DAB1: variants seen among roughly 807,000 people sequenced by gnomAD.
DAB1 encodes the protein DAB adaptor protein 1.
In DAB1, 15 loss-of-function variants were observed where a neutral mutation model predicts 64.6. The ratio of observed to expected loss-of-function variants is 0.23; its 90% CI spans 0.16 to 0.36. The LOEUF (loss-of-function observed/expected upper bound fraction) is 0.36, where lower values mean the gene tolerates loss of function less well. Among genes scored for constraint, DAB1 ranks in the 10% least tolerant of loss-of-function variants. The pLI is 1.00. For synonymous variants in DAB1, 235 were observed against 251.9 expected, an observed-to-expected ratio of 0.93 and a Z score of 0.64; for missense variants, 596 against 706.7, an observed-to-expected ratio of 0.84 and a Z score of 1.78.
chr1:58,288,340 T>C (rs1661739810), intron 4 of DAB1, among the ~76,000 whole-genome samples: 1 of 152,182 alleles, frequency 6.6e-6, no homozygotes, highest in African/African-American at 2.4e-5. Context: ...TGGATCTCTT[T>C]ATAAATCAGG....
intron 2 of DAB1, among the ~76,000 whole-genome samples, chr1:57,153,861 G>A (rs901161921): frequency 1.3e-5 from 2 of 151,810 alleles, no homozygotes; most frequent in Non-Finnish European, 2.9e-5. Flanking sequence ...GGATGGTCTC[G>A]ATCTCCTGAC....
intron 1 of DAB1, among the ~76,000 whole-genome samples, chr1:57,313,123 G>C (rs940793952): frequency 6.6e-6 from 1 of 152,340 alleles, no homozygotes; most frequent in Non-Finnish European, 1.5e-5. Flanking sequence ...GGCACTCACT[G>C]TTTCTGTGGA....
chr1:57,695,377 A>AAAGAAAGAAAGAAAGAAAAGAAAG (rs1646824709), intron 6 of DAB1, among the ~76,000 whole-genome samples: 1 of 67,006 alleles, frequency 1.5e-5, no homozygotes, highest in African/African-American at 6.5e-5. Flanking sequence ...AGAAAGAAAG[A>AAAGAAAGAAAGAAAGAAAAGAAAG]AAGAAAGAAA....
intron 7 of DAB1, among the ~76,000 whole-genome samples, chr1:57,612,686 T>G (rs1471533659): frequency 6.6e-6 from 1 of 152,194 alleles, no homozygotes; most frequent in Non-Finnish European, 1.5e-5. Flanking sequence ...AATGGATTTC[T>G]GACTTCTGAT....
At chr1:57,235,077 T>G (rs549733147) in intron 2 of DAB1, among the ~76,000 whole-genome samples, 32 of 152,312 alleles carry the variant, frequency 2.1e-4, no homozygotes, top group Non-Finnish European at 3.7e-4. Context: ...ACTCATCATA[T>G]TCACAGATTT....
At chr1:58,323,537 T>C (rs1662743684) in intron 4 of DAB1, among the ~76,000 whole-genome samples, 2 of 152,288 alleles carry the variant, frequency 1.3e-5, no homozygotes, top group African/African-American at 2.4e-5. Flanking sequence ...CTATTTTGAA[T>C]AGCCTTTCTC....
intron 4 of DAB1, among the ~76,000 whole-genome samples, chr1:58,153,426 A>G (rs1232432635): frequency 6.6e-6 from 1 of 152,228 alleles, no homozygotes; most frequent in Non-Finnish European, 1.5e-5. Context: ...TTTAAGAATT[A>G]TAATGGATTC....
At chr1:57,597,491 C>T (rs1645524445) in intron 7 of DAB1, among the ~76,000 whole-genome samples, 1 of 152,196 alleles carries the variant, frequency 6.6e-6, no homozygotes, top group Non-Finnish European at 1.5e-5. Flanking sequence ...TAACACATTT[C>T]TAAACTATGG....
chr1:57,009,477 C>T (rs574749029), intron 14 of DAB1, among the ~76,000 whole-genome samples: 1 of 152,160 alleles, frequency 6.6e-6, no homozygotes, highest in Non-Finnish European at 1.5e-5. Flanking sequence ...AATACACTTT[C>T]AAAATACCAT....
At chr1:57,620,769 G>C (rs902700147) in intron 7 of DAB1, among the ~76,000 whole-genome samples, 4 of 152,172 alleles carry the variant, frequency 2.6e-5, no homozygotes, top group Non-Finnish European at 5.9e-5. Context: ...GGAGGAGGAC[G>C]TAACAGCTGC....
chr1:57,073,585 A>G (rs1651710211), intron 4 of DAB1, among the ~76,000 whole-genome samples: 1 of 152,180 alleles, frequency 6.6e-6, no homozygotes, highest in African/African-American at 2.4e-5. Context: ...GTCCTTATAA[A>G]GAGCCTTTTC....
chr1:57,377,437 T>C (rs933250962), intron 1 of DAB1, among the ~76,000 whole-genome samples: 4 of 152,124 alleles, frequency 2.6e-5, no homozygotes, highest in African/African-American at 9.7e-5. Flanking sequence ...AATCGAAATC[T>C]TTGGGGAGAG....
At chr1:58,543,282 T>C (rs181434926) in intron 1 of DAB1, among the ~76,000 whole-genome samples, 2 of 152,342 alleles carry the variant, frequency 1.3e-5, no homozygotes, top group East Asian at 3.9e-4. Context: ...CATTTTAATA[T>C]TATACATGTT....
chr1:57,096,710 C>A (rs1654200861), intron 4 of DAB1, among the ~76,000 whole-genome samples: 1 of 152,216 alleles, frequency 6.6e-6, no homozygotes, highest in Admixed American at 6.5e-5. Context: ...GTATTTACTA[C>A]TTTCTGAAAT....
At chr1:58,226,264 C>T (rs909499220) in intron 4 of DAB1, among the ~76,000 whole-genome samples, 5 of 152,034 alleles carry the variant, frequency 3.3e-5, no homozygotes, top group African/African-American at 1.2e-4. Context: ...TGATTATATA[C>T]GAATAATAAC....
intron 6 of DAB1, among the ~76,000 whole-genome samples, chr1:57,703,944 C>A (rs949914732): frequency 1.3e-5 from 2 of 151,992 alleles, no homozygotes; most frequent in African/African-American, 4.8e-5. Context: ...GAACAGAAAA[C>A]CAAGTACTGC....
At chr1:57,697,967 T>C (rs1190229321) in intron 6 of DAB1, among the ~76,000 whole-genome samples, 1 of 152,186 alleles carries the variant, frequency 6.6e-6, no homozygotes. Context: ...TGCTTTCCTC[T>C]CAACTAATTT....
chr1:57,187,859 C>T (rs960809442), intron 2 of DAB1, among the ~76,000 whole-genome samples: 3 of 151,964 alleles, frequency 2.0e-5, no homozygotes, highest in Admixed American at 6.6e-5. Flanking sequence ...GAGACTCCCA[C>T]AAAAAGAGAG....
intron 3 of DAB1, among the ~76,000 whole-genome samples, chr1:58,458,615 C>T (rs1398936766): frequency 2.0e-5 from 3 of 152,248 alleles, no homozygotes; most frequent in Admixed American, 2.0e-4. Flanking sequence ...ACCAGCCTGG[C>T]CAACATGGCA....
Sources: gnomAD v4.1 joint callset for allele counts (sites outside exome capture counted in the v4.1 genomes callset) on GRCh38, gnomAD v4.1.1 for gene constraint, MANE v1.5 for transcripts, NCBI Gene and HGNC (gene_info 2026-07-23, HGNC 2026-07-21) for gene names.